Variants in SYCP1 observed in about 807,000 individuals in gnomAD.
SYCP1 encodes the protein cancer/testis antigen 8.
In SYCP1, 64 loss-of-function variants were observed where a neutral mutation model predicts 153.1. The ratio of observed to expected loss-of-function variants is 0.42; its 90% CI spans 0.34 to 0.51. SYCP1 has a LOEUF of 0.51. Ranked by LOEUF, SYCP1 falls within the 20% of genes least tolerant of loss-of-function variation. SYCP1 has a pLI of 0.06. For synonymous variants in SYCP1, 384 were observed against 341.8 expected (o/e 1.12, Z -1.36); for missense variants, 997 against 1,049.0 (o/e 0.95, Z 0.68).
At chr1:114,988,148 C>T (rs1404944269) in intron 30 of SYCP1, among the ~76,000 whole-genome samples, 1 of 148,820 alleles carries the variant, frequency 6.7e-6, no homozygotes, top group Non-Finnish European at 1.5e-5. Context: ...TTGTAGCACA[C>T]CATCAGCTGG....
At chr1:114,882,449 C>T (rs1666017726) in intron 12 of SYCP1, among the ~76,000 whole-genome samples, 3 of 151,814 alleles carry the variant, frequency 2.0e-5, no homozygotes, top group Non-Finnish European at 2.9e-5. Flanking sequence ...AGATGTTATT[C>T]TTCTTTTTCT....
intron 8 of SYCP1, among the ~76,000 whole-genome samples, chr1:114,868,145 T>A (rs1664886121): frequency 6.6e-6 from 1 of 151,514 alleles, no homozygotes; most frequent in African/African-American, 2.4e-5. Flanking sequence ...TTTTTTTTTT[T>A]GAGACAGGAT....
At chr1:114,870,117 G>A (rs1449994074) in intron 8 of SYCP1, among the ~76,000 whole-genome samples, 2 of 152,054 alleles carry the variant, frequency 1.3e-5, no homozygotes, top group African/African-American at 4.8e-5. Context: ...GGGCTCAAGC[G>A]ATCTTCTTAC....
chr1:114,918,857 A>G (rs72695810), intron 20 of SYCP1, among the ~76,000 whole-genome samples: 9,258 of 152,058 alleles, frequency 0.061, 323 homozygotes, highest in Middle Eastern at 0.14. Context: ...GAATTTGCTT[A>G]TTAGTTCTAA....
chr1:114,856,716 G>A, intron 3 of SYCP1, 59 bp downstream of exon 3: 2 of 1,211,904 alleles, frequency 1.7e-6, no homozygotes, highest in Admixed American at 2.2e-5. Context: ...TACATACATC[G>A]ATAGTTATTG....
chr1:114,917,290 G>A (rs1468468909), intron 20 of SYCP1, among the ~76,000 whole-genome samples: 1 of 152,078 alleles, frequency 6.6e-6, no homozygotes, highest in African/African-American at 2.4e-5. Context: ...ATGACCTCCA[G>A]TTCCATCTAT....
intron 27 of SYCP1, among the ~76,000 whole-genome samples, chr1:114,961,976 C>CT (rs562251009): frequency 0.071 from 8,879 of 124,362 alleles, 467 homozygotes; most frequent in East Asian, 0.15. Context: ...TGCCATCTAT[C>CT]TTTTTTTTTT....
In SYCP1 at chr1:114,872,320, G is replaced by C. The variant is rs547990611; in HGVS notation, c.599-2186G>C. On this transcript the variant is annotated intron_variant, in intron 8 of 31. Transcript: ENST00000369522. ...TTGAAGGATAGTTTCTCAAATTACA[G>C]AATTCTGTGTTGCTGGTTTTTTCTC... Among the ~76,000 whole-genome samples the C allele has an allele frequency of 2.6e-5, 4 of 152,232 alleles. No individual in the cohort carries two copies. The South Asian group carries it at 8.3e-4, about 32-fold the overall frequency.
chr1:114,989,434 A>G (rs12735323), intron 30 of SYCP1, among the ~76,000 whole-genome samples: 1 of 151,968 alleles, frequency 6.6e-6, no homozygotes, highest in Non-Finnish European at 1.5e-5. Context: ...AGGAGACAAA[A>G]CCCTATAATA....
upstream of SYCP1, among the ~76,000 whole-genome samples, chr1:114,854,281 A>T (rs555269951): frequency 6.6e-6 from 1 of 152,090 alleles, no homozygotes; most frequent in Admixed American, 6.5e-5. Context: ...GTAGCTGAGG[A>T]CACAGGTGCG....
chr1:114,905,641 G>C (rs562949309), intron 16 of SYCP1, among the ~76,000 whole-genome samples: 1 of 152,196 alleles, frequency 6.6e-6, no homozygotes, highest in African/African-American at 2.4e-5. Flanking sequence ...TTCTGGAAGA[G>C]ATTGTGTAAA....
Position 114,857,234 on chromosome 1 carries a change from C to T in SYCP1, c.196C>T (p.Pro66Ser), listed in dbSNP as rs140957639. 3 of 1,596,344 alleles carry T rather than the reference C, an allele frequency of 1.9e-6. No individual in the cohort carries two copies. The highest frequency in any genetic ancestry group is 1.7e-5 in the Admixed American group (1 of 59,254). The change falls in exon 4 of 32, where the codon CCT becomes TCT. Residue 66 changes from proline (P) to serine (S), a missense_variant and splice_region_variant. By Grantham distance (74) the Pro-to-Ser change is moderately conservative. Transcript: ENST00000369522. ...SKNGENIDSD[P>S]ALQKVNFLPV... is the part of the protein sequence containing the mutation. ...ACCTGTTGTCTTTTATCTTGCAGAT[C>T]CTGCTTTACAAAAAGTTAATTTCTT...
intron 21 of SYCP1, 61 bp downstream of exon 21, chr1:114,923,591 A>T (rs1254341155): frequency 4.2e-6 from 6 of 1,434,264 alleles, no homozygotes; most frequent in African/African-American, 1.5e-5. Context: ...GCAACACCAT[A>T]TGTCTAAACT....
intron 27 of SYCP1, among the ~76,000 whole-genome samples, chr1:114,972,658 C>T (rs753809685): frequency 1.3e-5 from 2 of 152,096 alleles, no homozygotes; most frequent in Non-Finnish European, 2.9e-5. Context: ...CTCTTTGACC[C>T]ACTGGTCATT....
intron 27 of SYCP1, among the ~76,000 whole-genome samples, chr1:114,972,132 T>C (rs1205847212): frequency 6.6e-6 from 1 of 152,230 alleles, no homozygotes; most frequent in African/African-American, 2.4e-5. Context: ...GATTTCTTCA[T>C]GGTTCAATCT....
At chr1:114,991,305 G>A (rs1220767242) in intron 30 of SYCP1, among the ~76,000 whole-genome samples, 2 of 151,792 alleles carry the variant, frequency 1.3e-5, no homozygotes, top group East Asian at 1.9e-4. Context: ...CTCATTGTAT[G>A]AGGCCAGCAT....
intron 12 of SYCP1, among the ~76,000 whole-genome samples, chr1:114,884,836 A>C (rs1201675497): frequency 6.6e-6 from 1 of 152,140 alleles, no homozygotes; most frequent in East Asian, 1.9e-4. Context: ...AAATCGTATA[A>C]TTTGAATTCA....
rs145967496 is a variant in SYCP1 at position 114,902,599 on chromosome 1, G to A, written c.1320+7090G>A. ...AACGGCAGGAGCTTCCTGAGGCCCC[G>A]CCCTGTCCTCCCAGTGGGCAGGCTT... is the stretch of plus-strand genomic sequence containing the variant. On this transcript the variant is annotated intron_variant, in intron 16 of 31. Coordinates refer to ENST00000369522, the MANE Select transcript of SYCP1 (RefSeq NM_003176.4). Among the ~76,000 whole-genome samples, 17 of 150,560 alleles carry A rather than the reference G, an allele frequency of 1.1e-4. 1 individual carries two copies. Among genetic ancestry groups the A allele is most frequent in the African/African-American group, 4.0e-4 (16 of 39,932 alleles).
At chr1:114,926,717 G>C (rs994302166) in intron 23 of SYCP1, among the ~76,000 whole-genome samples, 154 bp downstream of exon 23, 1 of 151,982 alleles carries the variant, frequency 6.6e-6, no homozygotes, top group African/African-American at 2.4e-5. Flanking sequence ...AAATAGAGGA[G>C]ATCAACTCTT....
Sources: gnomAD v4.1 joint callset for allele counts (sites outside exome capture counted in the v4.1 genomes callset) on GRCh38, gnomAD v4.1.1 for gene constraint, MANE v1.5 for transcripts, NCBI Gene and HGNC (gene_info 2026-07-23, HGNC 2026-07-21) for gene names.